CNTNAP2: variants seen among roughly 807,000 people sequenced by gnomAD.
CNTNAP2 encodes the protein contactin-associated protein-like 2.
A neutral mutation model predicts 155.2 loss-of-function variants in CNTNAP2; 98 were observed. That is an observed-to-expected ratio of 0.63 (90% CI 0.54 to 0.75). CNTNAP2 has a LOEUF of 0.75. CNTNAP2 is among the 30% of genes least tolerant of loss of function. The pLI is 0.00. For missense variants in CNTNAP2, 1,727 were observed against 1,688.1 expected (o/e 1.02, Z -0.40); for synonymous variants, 651 against 631.2 (o/e 1.03, Z -0.47).
chr7:148,092,879 T>TAAAAA (rs11321148), intron 15 of CNTNAP2, among the ~76,000 whole-genome samples: 2 of 122,718 alleles, frequency 1.6e-5, no homozygotes, highest in African/African-American at 2.9e-5. Flanking sequence ...AGTCTCAATT[T>TAAAAA]AAAAAAAAAA....
chr7:147,627,263 A>G lies in CNTNAP2; in HGVS notation c.1898-11843A>G, dbSNP rs140573988. ...TGGTAATGTAACAAAACAAGGTTCT[A>G]TAGTATCCCCAAAAGATCATACCAG... On this transcript the variant is annotated intron_variant, in intron 12 of 23. Coordinates refer to ENST00000361727, the MANE Select transcript of CNTNAP2 (RefSeq NM_014141.6). Among the ~76,000 whole-genome samples, 273 of 152,340 alleles carry G rather than the reference A, an allele frequency of 1.8e-3. 2 individuals carry two copies. Among genetic ancestry groups the G allele is most frequent in the African/African-American group, 5.9e-3 (247 of 41,592 alleles).
chr7:147,443,188 A>G (rs1358216673), intron 10 of CNTNAP2, among the ~76,000 whole-genome samples: 1 of 152,164 alleles, frequency 6.6e-6, no homozygotes. Context: ...TGGGAACTCA[A>G]GCACTGACCA....
chr7:147,898,419 T>C (rs1799807497), intron 13 of CNTNAP2, among the ~76,000 whole-genome samples: 1 of 152,218 alleles, frequency 6.6e-6, no homozygotes, highest in Non-Finnish European at 1.5e-5. Flanking sequence ...ACTTTATGAT[T>C]TTCCTCACCT....
At chr7:147,521,134 T>A (rs1799223340) in intron 11 of CNTNAP2, among the ~76,000 whole-genome samples, 1 of 152,194 alleles carries the variant, frequency 6.6e-6, no homozygotes, top group Non-Finnish European at 1.5e-5. Context: ...TGGCTAATTT[T>A]CCATGTCTCT....
At position 147,752,525 on chromosome 7, in the gene CNTNAP2, G is replaced by A. The variant is rs189359232; in HGVS notation, c.2098+113219G>A. On this transcript the variant is annotated intron_variant, in intron 13 of 23. Transcript: ENST00000361727. ...ACGGTGAGCTCCTGTGTGTGTACAGGAAGGGGCCTTTGATAATTGCATAAG... is the reference window on the plus strand; with the variant it reads ...ACGGTGAGCTCCTGTGTGTGTACAGAAAGGGGCCTTTGATAATTGCATAAG... Among the ~76,000 whole-genome samples the A allele has an allele frequency of 4.1e-3, 631 of 152,288 alleles. 2 individuals carry two copies. The highest frequency in any genetic ancestry group is 8.9e-3 in the South Asian group (43 of 4,830).
chr7:147,450,573 C>T (rs1445054112), intron 10 of CNTNAP2, among the ~76,000 whole-genome samples: 2 of 152,136 alleles, frequency 1.3e-5, no homozygotes, highest in African/African-American at 4.8e-5. Flanking sequence ...ATTTGTTATA[C>T]AGCAATAGCA....
rs57798760 is a variant in CNTNAP2, at chr7:146,535,297, T to A, written c.98-238974T>A. Among the ~76,000 whole-genome samples, 2 of 60,004 alleles carry A rather than the reference T, an allele frequency of 3.3e-5. 1 individual carries two copies. Among genetic ancestry groups the A allele is most frequent in the East Asian group, 1.1e-3 (2 of 1,794 alleles). The allele number at this position is 60,004 out of a possible 152,430, so 39.4% of individuals were successfully genotyped here. A position where few individuals can be genotyped will look rare whatever the true frequency, so the allele number is the denominator to read the frequency against. ...TATATATTATATTATATAATGTATA[T>A]TATATATGATATTATATCATATATA... is the stretch of plus-strand genomic sequence containing the variant. On this transcript the variant is annotated intron_variant, in intron 1 of 23. Transcript: ENST00000361727.
intron 1 of CNTNAP2, among the ~76,000 whole-genome samples, chr7:146,660,302 G>T (rs532993108): frequency 2.0e-5 from 3 of 152,144 alleles, no homozygotes; most frequent in Non-Finnish European, 4.4e-5. Context: ...GGTACCCAGT[G>T]GTCTTACATA....
intron 1 of CNTNAP2, among the ~76,000 whole-genome samples, chr7:146,164,345 G>A (rs1357716193): frequency 6.6e-6 from 1 of 152,150 alleles, no homozygotes; most frequent in South Asian, 2.1e-4. Context: ...TGATCCTGAA[G>A]AGATGAATTA....
At chr7:146,470,837 A>C (rs1290342121) in intron 1 of CNTNAP2, among the ~76,000 whole-genome samples, 1 of 151,958 alleles carries the variant, frequency 6.6e-6, no homozygotes, top group Non-Finnish European at 1.5e-5. Flanking sequence ...CAAAGTGCTG[A>C]GATTACAGGC....
At chr7:146,460,084 T>C (rs181390081) in intron 1 of CNTNAP2, among the ~76,000 whole-genome samples, 170 of 152,246 alleles carry the variant, frequency 1.1e-3, no homozygotes, top group South Asian at 1.7e-3. Flanking sequence ...TTTAGAACTA[T>C]TGGAACAAGA....
intron 20 of CNTNAP2, among the ~76,000 whole-genome samples, chr7:148,237,030 T>C (rs1411110900): frequency 6.6e-6 from 1 of 152,160 alleles, no homozygotes; most frequent in Non-Finnish European, 1.5e-5. Context: ...CAGGGACACA[T>C]ATCCAAACCA....
At chr7:146,388,408 C>T (rs1182061275) in intron 1 of CNTNAP2, among the ~76,000 whole-genome samples, 1 of 151,942 alleles carries the variant, frequency 6.6e-6, no homozygotes, top group Non-Finnish European at 1.5e-5. Context: ...GTACTCCAGC[C>T]TGGGTGACAG....
At chr7:147,757,487 C>A (rs1797228414) in intron 13 of CNTNAP2, among the ~76,000 whole-genome samples, 2 of 152,224 alleles carry the variant, frequency 1.3e-5, no homozygotes, top group Non-Finnish European at 1.5e-5. Flanking sequence ...CATGGCCTGT[C>A]CTAAACCTGT....
At chr7:147,066,436 T>C (rs1159775612) in intron 4 of CNTNAP2, among the ~76,000 whole-genome samples, 1 of 152,236 alleles carries the variant, frequency 6.6e-6, no homozygotes, top group Non-Finnish European at 1.5e-5. Context: ...CTTTCCTTTT[T>C]ATAAAACTAA....
At chr7:146,190,757 C>T (rs1162046668) in intron 1 of CNTNAP2, among the ~76,000 whole-genome samples, 1 of 152,110 alleles carries the variant, frequency 6.6e-6, no homozygotes, top group Non-Finnish European at 1.5e-5. Context: ...CTCTTGCTCA[C>T]AGCACCAATA....
chr7:146,920,925 C>T (rs1161511111), intron 3 of CNTNAP2, among the ~76,000 whole-genome samples: 1 of 152,070 alleles, frequency 6.6e-6, no homozygotes, highest in Non-Finnish European at 1.5e-5. Context: ...TAAAACAATG[C>T]TTTCAGAGAA....
chr7:146,313,474 G>A (rs575052011), intron 1 of CNTNAP2, among the ~76,000 whole-genome samples: 81 of 152,218 alleles, frequency 5.3e-4, no homozygotes, highest in Admixed American at 1.2e-3. Flanking sequence ...TATAGTTTGC[G>A]AATATTTTCT....
intron 15 of CNTNAP2, among the ~76,000 whole-genome samples, chr7:148,059,368 G>A (rs965285768): frequency 6.6e-6 from 1 of 152,068 alleles, no homozygotes; most frequent in African/African-American, 2.4e-5. Context: ...AGCAGACTAG[G>A]ATCACCTGAG....
Sources: gnomAD v4.1 joint callset for allele counts (sites outside exome capture counted in the v4.1 genomes callset) on GRCh38, gnomAD v4.1.1 for gene constraint, MANE v1.5 for transcripts, NCBI Gene and HGNC (gene_info 2026-07-23, HGNC 2026-07-21) for gene names.